The following POC1B variants were observed in gnomAD, a reference collection of about 807,000 sequenced individuals.
POC1B encodes POC1 centriolar protein homolog B.
A neutral mutation model predicts 60.6 loss-of-function variants in POC1B; 44 were observed. The ratio of observed to expected loss-of-function variants is 0.73; its 90% CI spans 0.57 to 0.93. POC1B has a LOEUF of 0.93. Ranked by LOEUF, POC1B falls within the 40% of genes least tolerant of loss-of-function variation. The probability of loss-of-function intolerance (pLI) is 0.00; values close to 1 mark genes in which losing one functional copy is unlikely to be tolerated. For missense variants in POC1B, 555 were observed against 572.3 expected (o/e 0.97, Z 0.31); for synonymous variants, 180 against 198.9 (o/e 0.90, Z 0.80).
intron 4 of POC1B, among the ~76,000 whole-genome samples, chr12:89,491,238 CT>C (rs1159789765): frequency 6.6e-6 from 1 of 152,154 alleles, no homozygotes; most frequent in Non-Finnish European, 1.5e-5. Context: ...TCAAGCCTCA[CT>C]CCCTCCTTTA....
rs144166607 is a variant in POC1B at position 89,441,541 on chromosome 12, G to A, written c.1114-16162C>T. ...ACCTCCAGCAAACTCCAACAGACCT[G>A]CAGCTGAGGGTCCTGACTGTTAGAA... On this transcript the variant is annotated intron_variant, in intron 10 of 11. Coordinates refer to ENST00000313546, the MANE Select transcript of POC1B (RefSeq NM_172240.3). 2.4e-3 allele frequency among the ~76,000 whole-genome samples: 365 copies of A among 152,304 alleles called. 2 individuals carry two copies. Among genetic ancestry groups the A allele is most frequent in the African/African-American group, 8.3e-3 (346 of 41,568 alleles).
At chr12:89,432,545 G>A (rs780517958) in intron 10 of POC1B, among the ~76,000 whole-genome samples, 3 of 152,082 alleles carry the variant, frequency 2.0e-5, no homozygotes, top group Non-Finnish European at 4.4e-5. Flanking sequence ...TGAATAAAGA[G>A]GCCCTGCTAT....
chr12:89,423,710 G>A (rs1225073117), intron 11 of POC1B, among the ~76,000 whole-genome samples: 4 of 152,168 alleles, frequency 2.6e-5, no homozygotes, highest in Non-Finnish European at 5.9e-5. Context: ...CAAGTGTGTT[G>A]TGCCTGCTTC....
At chr12:89,451,971 G>T (rs1882060837) in intron 10 of POC1B, among the ~76,000 whole-genome samples, 1 of 152,218 alleles carries the variant, frequency 6.6e-6, no homozygotes, top group East Asian at 1.9e-4. Context: ...ATTATGGGCT[G>T]ACAGTCCAGG....
rs151210595 is a variant in POC1B, at chr12:89,472,266, G to A, written c.462C>T (p.Pro154=). ...THWVRCAKFS[P]DGRLIVSCSE... ...TACATGACACAATTAGTCTTCCATCGGGTGAAAATCTAGAAAGAAGAAGAA... is the reference window on the plus strand; with the variant it reads ...TACATGACACAATTAGTCTTCCATCAGGTGAAAATCTAGAAAGAAGAAGAA... Residue 154 remains proline, a synonymous_variant, in exon 5 of 12, where the codon CCC becomes CCT. Coordinates refer to ENST00000313546, the MANE Select transcript of POC1B (RefSeq NM_172240.3). 42 of 1,569,484 alleles carry A rather than the reference G, an allele frequency of 2.7e-5. No homozygotes were observed. The Middle Eastern group carries it at 1.0e-3, about 37-fold the overall frequency.
Position 89,488,738 on chromosome 12 carries a change from C to T in POC1B, c.452+3198G>A, listed in dbSNP as rs192907114. On this transcript the variant is annotated intron_variant, in intron 4 of 11. Coordinates refer to ENST00000313546, the MANE Select transcript of POC1B (RefSeq NM_172240.3). Reference sequence around the variant, plus strand: ...CTGACCTCAAGTGATCTGCCAGCTTCGGCCTCCCAAAGTGCTGGGATTACG... The same window carrying T: ...CTGACCTCAAGTGATCTGCCAGCTTTGGCCTCCCAAAGTGCTGGGATTACG... Among the ~76,000 whole-genome samples, 35 of 152,232 alleles carry T rather than the reference C, an allele frequency of 2.3e-4. 1 individual carries two copies. The highest frequency in any genetic ancestry group is 3.9e-4 in the East Asian group (2 of 5,180).
intron 10 of POC1B, among the ~76,000 whole-genome samples, chr12:89,452,273 G>C (rs945886243): frequency 6.6e-6 from 1 of 152,094 alleles, no homozygotes; most frequent in Non-Finnish European, 1.5e-5. Context: ...CAGTATCTCA[G>C]CAAGTTGGAA....
At chr12:89,515,196 A>G (rs76238808) in intron 2 of POC1B, among the ~76,000 whole-genome samples, 2 of 152,202 alleles carry the variant, frequency 1.3e-5, no homozygotes, top group Non-Finnish European at 2.9e-5. Flanking sequence ...GCATTGTGGC[A>G]AAAAGGGGGA....
chr12:89,453,370 G>A (rs929124410), intron 10 of POC1B, among the ~76,000 whole-genome samples: 3 of 152,138 alleles, frequency 2.0e-5, no homozygotes, highest in Non-Finnish European at 4.4e-5. Context: ...TAAATTGAGG[G>A]AGGCACCAGC....
At chr12:89,505,701 T>C (rs1357895076) in intron 2 of POC1B, among the ~76,000 whole-genome samples, 1 of 152,178 alleles carries the variant, frequency 6.6e-6, no homozygotes, top group Admixed American at 6.5e-5. Flanking sequence ...GTTATATGAT[T>C]TGTGCAATTT....
the POC1B span, among the ~76,000 whole-genome samples, chr12:89,405,645 A>G: frequency 2.6e-5 from 4 of 152,150 alleles, no homozygotes; most frequent in Non-Finnish European, 5.9e-5. Context: ...TAAGGATATT[A>G]TTTAATGAGG....
rs777100710 is a variant in POC1B, at chr12:89,420,293, A to G, written c.*860T>C. On this transcript the variant is annotated 3_prime_UTR_variant, in exon 12 of 12. Transcript: ENST00000313546. ...AAAAGTACTTACTATTTAGCTGCCCAAATCACCCTAAGCAACAATATTTCT... is the reference window on the plus strand; with the variant it reads ...AAAAGTACTTACTATTTAGCTGCCCGAATCACCCTAAGCAACAATATTTCT... The G allele has an allele frequency of 4.6e-5, 7 of 152,212 alleles. No individual in the cohort carries two copies. The highest frequency in any genetic ancestry group is 6.5e-5 in the Admixed American group (1 of 15,274). 9.4% of individuals were successfully genotyped at this position (152,212 alleles called of 1,614,324 possible). A position where few individuals can be genotyped will look rare whatever the true frequency, so the allele number is the denominator to read the frequency against.
the POC1B span, among the ~76,000 whole-genome samples, chr12:89,408,268 T>C: frequency 1.3e-5 from 2 of 152,178 alleles, no homozygotes; most frequent in Non-Finnish European, 2.9e-5. Context: ...AATAAACATA[T>C]GTGTACATGT....
At chr12:89,517,627 G>T (rs549833754) in intron 2 of POC1B, among the ~76,000 whole-genome samples, 42 of 151,008 alleles carry the variant, frequency 2.8e-4, no homozygotes, top group African/African-American at 1.0e-3. Flanking sequence ...AGTGAGACTT[G>T]GTCTCAAAAA....
At chr12:89,443,785 A>C (rs1167756371) in intron 10 of POC1B, among the ~76,000 whole-genome samples, 2 of 152,114 alleles carry the variant, frequency 1.3e-5, no homozygotes, top group Non-Finnish European at 2.9e-5. Flanking sequence ...GAGACACAAA[A>C]AACCCTTCAA....
intron 4 of POC1B, among the ~76,000 whole-genome samples, chr12:89,487,784 T>C (rs1308310741): frequency 6.6e-6 from 1 of 152,168 alleles, no homozygotes; most frequent in Non-Finnish European, 1.5e-5. Flanking sequence ...AATATGCCAC[T>C]GCCTCCTCTT....
chr12:89,482,423 G>A (rs1045148066), intron 4 of POC1B, among the ~76,000 whole-genome samples: 27 of 151,830 alleles, frequency 1.8e-4, no homozygotes, highest in African/African-American at 6.0e-4. Flanking sequence ...AATATATGAA[G>A]AAAGAACAAC....
Position 89,497,155 on chromosome 12 carries a change from T to C in POC1B, c.272+16A>G, listed in dbSNP as rs1387652041. 1 of 1,608,190 alleles carries C rather than the reference T, an allele frequency of 6.2e-7. No individual in the cohort carries two copies. Among genetic ancestry groups the C allele is most frequent in the Non-Finnish European group, 8.5e-7 (1 of 1,176,962 alleles). The stretch of plus-strand genomic sequence containing the variant: ...CCAAATCCAAAGGATATCAAGTGTT[T>C]CTTTGTTTCTCTTACTTATCAGGAA... On this transcript the variant is annotated intron_variant, in intron 3 of 11. Transcript: ENST00000313546.
chr12:89,458,147 T>C (rs1378856881), intron 10 of POC1B, among the ~76,000 whole-genome samples: 2 of 152,200 alleles, frequency 1.3e-5, no homozygotes, highest in East Asian at 3.9e-4. Context: ...AGGCCAGAAA[T>C]GTGCAATTTT....
Sources: allele counts gnomAD v4.1 joint callset (sites outside exome capture counted in the v4.1 genomes callset), GRCh38; gene constraint gnomAD v4.1.1; transcripts MANE v1.5; gene names NCBI Gene and HGNC (gene_info 2026-07-23, HGNC 2026-07-21).